The following CLASP1 variants were observed in gnomAD, a reference collection of about 807,000 sequenced individuals.
The protein encoded by CLASP1 is CLIP-associating protein 1.
In CLASP1, 38 loss-of-function variants were observed where a neutral mutation model predicts 192.3. The ratio of observed to expected loss-of-function variants is 0.20; its 90% CI spans 0.15 to 0.26. The LOEUF is 0.26. Ranked by LOEUF, CLASP1 falls within the 10% of genes least tolerant of loss-of-function variation. The pLI, the probability that CLASP1 is intolerant of heterozygous loss-of-function variation, is 1.00. For synonymous variants in CLASP1, 691 were observed against 712.8 expected (o/e 0.97, Z 0.49); for missense variants, 1,433 against 1,932.5 (o/e 0.74, Z 4.85).
intron 32 of CLASP1, 139 bp from the exon 34 acceptor site, chr2:121,382,463 T>C: frequency 1.7e-6 from 1 of 596,372 alleles, no homozygotes; most frequent in Non-Finnish European, 2.9e-6. Flanking sequence ...AGAGCAAAAT[T>C]AGCACTTCAT....
At chr2:121,346,026 G>A (rs1447902545) in intron 39 of CLASP1, among the ~76,000 whole-genome samples, 2 of 152,216 alleles carry the variant, frequency 1.3e-5, no homozygotes, top group African/African-American at 4.8e-5. Context: ...CAGAACTCTG[G>A]AGAAACAAGG....
chr2:121,517,858 CTTTTTTTTTTTT>C (rs70954553), intron 6 of CLASP1, among the ~76,000 whole-genome samples: 9 of 30,820 alleles, frequency 2.9e-4, no homozygotes, highest in East Asian at 1.2e-3. Flanking sequence ...AAGACTCAAG[CTTTTTTTTTTTT>C]TTTTTTTTTT....
Position 121,342,156 on chromosome 2 carries a change from C to T in CLASP1, c.4531-1209G>A, listed in dbSNP as rs547692647. Among the ~76,000 whole-genome samples the T allele has an allele frequency of 2.6e-5, 4 of 151,428 alleles. No homozygotes were observed. In the South Asian group the frequency reaches 6.2e-4, roughly 24 times the overall value. On this transcript the variant is annotated intron_variant, in intron 39 of 39. Coordinates refer to ENST00000263710, the Ensembl canonical transcript of CLASP1. ...TTTTTTTTTGAGACAGGGTCTCACT[C>T]GGAGGCCCAGGCTGGAGTGCAGTGG...
intron 1 of CLASP1, among the ~76,000 whole-genome samples, chr2:121,636,714 C>T (rs1417720217): frequency 2.0e-5 from 3 of 152,068 alleles, no homozygotes; most frequent in Non-Finnish European, 4.4e-5. Context: ...TTTCAGACAT[C>T]CATAAAATGA....
chr2:121,348,535 C>T (rs368823920), exon 38 of CLASP1: 26 of 1,611,150 alleles, frequency 1.6e-5, no homozygotes, highest in Non-Finnish European at 2.0e-5. Flanking sequence ...GGGATGATGT[C>T]GACAAGGAGC....
intron 2 of CLASP1, among the ~76,000 whole-genome samples, chr2:121,597,822 AGAATCAAAGCT>A (rs1272269737): frequency 6.6e-6 from 1 of 152,258 alleles, no homozygotes. Context: ...ACTGCTGCGC[AGAATCAAAGCT>A]GTCAAGATGA....
intron 1 of CLASP1, among the ~76,000 whole-genome samples, chr2:121,610,820 A>AGG (rs1559763760): frequency 6.8e-6 from 1 of 147,242 alleles, no homozygotes; most frequent in African/African-American, 2.6e-5. Context: ...GAGCAGGAGG[A>AGG]AGAGTTACAG....
chr2:121,443,850 C>T (rs2083818046), intron 19 of CLASP1, among the ~76,000 whole-genome samples: 1 of 152,048 alleles, frequency 6.6e-6, no homozygotes, highest in African/African-American at 2.4e-5. Flanking sequence ...AAAAAAAATC[C>T]ATTCCTATCT....
At chr2:121,364,440 G>T in intron 36 of CLASP1, 1 of 153,122 alleles carries the variant, frequency 6.5e-6, no homozygotes, top group Admixed American at 6.5e-5. Context: ...GTGGGAGAAG[G>T]CAGGACTTTG....
intron 21 of CLASP1, among the ~76,000 whole-genome samples, chr2:121,425,987 T>C (rs1420669136): frequency 1.3e-5 from 2 of 151,678 alleles, no homozygotes; most frequent in African/African-American, 4.8e-5. Context: ...TCTCCAAAAA[T>C]TGTAAAAATT....
At chr2:121,642,903 T>A (rs1175165190) in intron 1 of CLASP1, among the ~76,000 whole-genome samples, 1 of 152,216 alleles carries the variant, frequency 6.6e-6, no homozygotes, top group East Asian at 1.9e-4. Context: ...CAAAGAGTGA[T>A]ATATCGGGAA....
At chr2:121,428,719 T>C (rs2080882944) in intron 20 of CLASP1, among the ~76,000 whole-genome samples, 1 of 152,210 alleles carries the variant, frequency 6.6e-6, no homozygotes, top group Non-Finnish European at 1.5e-5. Context: ...CCTAGCCTTC[T>C]TTCCTAAACC....
rs749719822 is a variant in CLASP1 at position 121,367,781 on chromosome 2, AC to A, written c.3692del (p.Gly1231ValfsTer4). ...CTGTCCGGCCTCCTTCTACTTCACT[AC>A]CCCCCCGGCCCTCAGTGGCAGGGGA... is the stretch of plus-strand genomic sequence containing the variant. On this transcript the variant is annotated frameshift_variant, in exon 35 of 40. Transcript: ENST00000263710. LOFTEE classifies it high-confidence loss of function. 8 of 1,612,142 alleles carry A rather than the reference AC, an allele frequency of 5.0e-6. No individual in the cohort carries two copies. Among genetic ancestry groups the A allele is most frequent in the Non-Finnish European group, 1.7e-6 (2 of 1,179,472 alleles).
At chr2:121,346,578 G>C (rs1465061323) in intron 39 of CLASP1, among the ~76,000 whole-genome samples, 2 of 152,222 alleles carry the variant, frequency 1.3e-5, no homozygotes, top group African/African-American at 4.8e-5. Flanking sequence ...ATGCCCACAG[G>C]GATGTTGCCG....
intron 8 of CLASP1, among the ~76,000 whole-genome samples, chr2:121,474,332 AATC>A (rs2091287784): frequency 1.3e-5 from 2 of 152,278 alleles, no homozygotes; most frequent in Admixed American, 1.3e-4. Context: ...TTTCAAAGTT[AATC>A]ATAACTTGTC....
rs565379418 is a variant in CLASP1 at position 121,449,428 on chromosome 2, C to T, written c.1524-308G>A. ...GGAAGGTGGAGCTAAACATCTAAGACCATACCTAGAACACAGGATAGGCTC... is the reference window on the plus strand; with the variant it reads ...GGAAGGTGGAGCTAAACATCTAAGATCATACCTAGAACACAGGATAGGCTC... On this transcript the variant is annotated intron_variant, in intron 16 of 39. Coordinates refer to ENST00000263710, the Ensembl canonical transcript of CLASP1. Among the ~76,000 whole-genome samples the T allele has an allele frequency of 3.9e-5, 6 of 152,242 alleles. No individual in the cohort carries two copies. The South Asian group carries it at 1.2e-3, about 32-fold the overall frequency.
At chr2:121,382,254 G>C (rs769099893) in exon 33 of CLASP1, 3 of 1,608,662 alleles carry the variant, frequency 1.9e-6, no homozygotes, top group South Asian at 1.1e-5. Context: ...GGAGCGGTGG[G>C]GATGGAGTTA....
intron 14 of CLASP1, among the ~76,000 whole-genome samples, chr2:121,456,109 CAT>C (rs1017723258): frequency 5.9e-5 from 9 of 152,066 alleles, no homozygotes; most frequent in East Asian, 1.9e-4. Context: ...AGGTGATACA[CAT>C]GTTAAAGAGC....
chr2:121,442,253 A>C (rs2083470698), intron 19 of CLASP1, among the ~76,000 whole-genome samples: 2 of 152,168 alleles, frequency 1.3e-5, no homozygotes, highest in South Asian at 4.1e-4. Context: ...CCTCATCAAA[A>C]TCTCCAAAAA....
Sources: allele counts gnomAD v4.1 joint callset (sites outside exome capture counted in the v4.1 genomes callset), GRCh38; gene constraint gnomAD v4.1.1; transcripts MANE v1.5; gene names NCBI Gene and HGNC (gene_info 2026-07-23, HGNC 2026-07-21).